Variants in CPEB4 observed in about 807,000 individuals in gnomAD.
CPEB4 encodes cytoplasmic polyadenylation element binding protein 4.
Under a neutral mutation model 72.5 loss-of-function variants are expected in CPEB4, and 12 were observed. The ratio of observed to expected loss-of-function variants is 0.17; its 90% CI spans 0.11 to 0.27. The LOEUF is 0.27. Among genes scored for constraint, CPEB4 ranks in the 10% least tolerant of loss-of-function variants. The pLI, the probability that CPEB4 is intolerant of heterozygous loss-of-function variation, is 1.00. For missense variants in CPEB4, 614 were observed against 908.5 expected (o/e 0.68, Z 4.17); for synonymous variants, 302 against 326.3 (o/e 0.93, Z 0.80).
chr5:173,898,461 A>G (rs1034129927), intron 1 of CPEB4, among the ~76,000 whole-genome samples: 2 of 152,216 alleles, frequency 1.3e-5, no homozygotes, highest in African/African-American at 2.4e-5. Flanking sequence ...GACCTAGGCA[A>G]GCTACAGCAC....
intron 1 of CPEB4, among the ~76,000 whole-genome samples, chr5:173,904,527 T>A (rs1005031032): frequency 8.5e-5 from 13 of 152,210 alleles, no homozygotes; most frequent in African/African-American, 2.9e-4. Context: ...TAAAAGGTAA[T>A]ATTTGTATAA....
intron 3 of CPEB4, among the ~76,000 whole-genome samples, chr5:173,935,308 T>A (rs1561624738): frequency 6.6e-6 from 1 of 152,222 alleles, no homozygotes; most frequent in East Asian, 1.9e-4. Flanking sequence ...AACTATGCAC[T>A]TTCAAATGCA....
At chr5:173,912,805 A>G (rs1045690635) in intron 2 of CPEB4, among the ~76,000 whole-genome samples, 7 of 150,906 alleles carry the variant, frequency 4.6e-5, no homozygotes, top group African/African-American at 7.3e-5. Flanking sequence ...AGCCAGGCAT[A>G]GCAACCCACA....
At chr5:173,929,402 A>T (rs1757360079) in intron 2 of CPEB4, among the ~76,000 whole-genome samples, 1 of 152,190 alleles carries the variant, frequency 6.6e-6, no homozygotes, top group Non-Finnish European at 1.5e-5. Flanking sequence ...CTCATTGTTC[A>T]TTATCCTCCC....
chr5:173,941,487 A>G (rs994076191), intron 3 of CPEB4, among the ~76,000 whole-genome samples: 3 of 152,242 alleles, frequency 2.0e-5, no homozygotes, highest in African/African-American at 7.2e-5. Flanking sequence ...CTCACATAAT[A>G]TTTCTGAGTT....
At chr5:173,894,953 T>A (rs1179631927) in intron 1 of CPEB4, among the ~76,000 whole-genome samples, 1 of 152,220 alleles carries the variant, frequency 6.6e-6, no homozygotes, top group Non-Finnish European at 1.5e-5. Flanking sequence ...TACTTGTTTA[T>A]CAACTTTAAA....
intron 3 of CPEB4, among the ~76,000 whole-genome samples, chr5:173,935,422 G>A (rs1757585476): frequency 6.6e-6 from 1 of 152,124 alleles, no homozygotes; most frequent in Non-Finnish European, 1.5e-5. Flanking sequence ...AAGACTGAAA[G>A]GTGCTGTAAG....
chr5:173,933,255 C>T (rs541008603), intron 3 of CPEB4, among the ~76,000 whole-genome samples: 4 of 152,174 alleles, frequency 2.6e-5, no homozygotes, highest in Non-Finnish European at 5.9e-5. Flanking sequence ...AGTCCCACGA[C>T]CTCTAAGAAG....
intron 2 of CPEB4, among the ~76,000 whole-genome samples, chr5:173,928,806 C>G (rs1246968139): frequency 1.3e-5 from 2 of 152,022 alleles, no homozygotes; most frequent in Non-Finnish European, 2.9e-5. Flanking sequence ...ATGTGTTATC[C>G]ATAATATGAT....
At chr5:173,928,220 A>G (rs183335712) in intron 2 of CPEB4, among the ~76,000 whole-genome samples, 1 of 152,244 alleles carries the variant, frequency 6.6e-6, no homozygotes, top group African/African-American at 2.4e-5. Context: ...GGGTGGATAC[A>G]TGTCATTATA....
At position 173,950,633 on chromosome 5, in the gene CPEB4, T is replaced by TAAAAA. The variant is rs779664117; in HGVS notation, c.1665+557_1665+561dup. Among the ~76,000 whole-genome samples, 3 of 139,230 alleles carry TAAAAA rather than the reference T, an allele frequency of 2.2e-5. No homozygotes were observed. The highest frequency in any genetic ancestry group is 3.2e-5 in the Non-Finnish European group (2 of 63,288). The allele number at this position is 139,230 out of a possible 152,430, so 91.3% of individuals were successfully genotyped here. On this transcript the variant is annotated intron_variant, in intron 7 of 9. Coordinates refer to ENST00000265085, the MANE Select transcript of CPEB4 (RefSeq NM_030627.4). This position sits in a 1 kb window ranked among gnomAD's most constrained non-coding sequence, Gnocchi z 5.0. ...TAAAATAAAATAAAATAAAATAAAA[T>TAAAAA]AAAAAACCAGACTTCATTTGATAAT...
intron 2 of CPEB4, among the ~76,000 whole-genome samples, chr5:173,922,121 A>C (rs923448568): frequency 6.6e-5 from 10 of 152,218 alleles, no homozygotes; most frequent in African/African-American, 2.4e-4. Context: ...CAATGGCCTG[A>C]GTATTTATTG....
In CPEB4 at chr5:173,892,274, A is replaced by ATTTTTTTTTT. The variant is rs71820084; in HGVS notation, c.1125+1422_1125+1431dup. Among the ~76,000 whole-genome samples, 1,079 of 120,600 alleles carry ATTTTTTTTTT rather than the reference A, an allele frequency of 8.9e-3. 54 individuals are homozygous for ATTTTTTTTTT. Among genetic ancestry groups the ATTTTTTTTTT allele is most frequent in the African/African-American group, 0.022 (728 of 32,572 alleles). The allele number at this position is 120,600 out of a possible 152,430, so 79.1% of individuals were successfully genotyped here. A position where few individuals can be genotyped will look rare whatever the true frequency, so the allele number is the denominator to read the frequency against. ...ATTTAGTTTTCGACTTCTAAAAACGATTTTTTTTTTTTTTTGCCTATCAAA... is the reference window on the plus strand; with the variant it reads ...ATTTAGTTTTCGACTTCTAAAAACGATTTTTTTTTTTTTTTTTTTTTTTTTGCCTATCAAA... On this transcript the variant is annotated intron_variant, in intron 1 of 9. Transcript: ENST00000265085.
At position 173,909,418 on chromosome 5, in the gene CPEB4, T is replaced by C. The variant is rs185955873; in HGVS notation, c.1126-1105T>C. On this transcript the variant is annotated intron_variant, in intron 1 of 9. Coordinates refer to ENST00000265085, the MANE Select transcript of CPEB4 (RefSeq NM_030627.4). ...CAGAACATGCTTCAGCAGTTCTCTA[T>C]TGCTATTCTCATCCTTCTCCTTAGA... Among the ~76,000 whole-genome samples, 3 of 152,314 alleles carry C rather than the reference T, an allele frequency of 2.0e-5. No individual in the cohort carries two copies. The East Asian group carries it at 5.8e-4, about 29-fold the overall frequency.
chr5:173,894,199 TG>T (rs1170775293), intron 1 of CPEB4, among the ~76,000 whole-genome samples: 1 of 152,002 alleles, frequency 6.6e-6, no homozygotes, highest in Non-Finnish European at 1.5e-5. Flanking sequence ...TTCACCATGT[TG>T]TCCAGGCTGG....
intron 1 of CPEB4, among the ~76,000 whole-genome samples, chr5:173,893,493 A>G: frequency 6.6e-6 from 1 of 152,168 alleles, no homozygotes; most frequent in East Asian, 1.9e-4. Flanking sequence ...TAATTTTAGG[A>G]AAGAAATTTT....
chr5:173,949,475 T>G (rs966905761), intron 5 of CPEB4, 33 bp from the exon 6 acceptor site: 5 of 1,441,318 alleles, frequency 3.5e-6, no homozygotes, highest in Non-Finnish European at 4.8e-6. Flanking sequence ...ATAAAAATAT[T>G]TAAATCTACT....
At chr5:173,938,323 T>G (rs993490850) in intron 3 of CPEB4, among the ~76,000 whole-genome samples, 1 of 152,174 alleles carries the variant, frequency 6.6e-6, no homozygotes, top group South Asian at 2.1e-4. Context: ...CCTCCCGGGT[T>G]GAAGCAATTC....
At chr5:173,930,608 C>G (rs1757411013) in intron 2 of CPEB4, among the ~76,000 whole-genome samples, 3 of 152,156 alleles carry the variant, frequency 2.0e-5, no homozygotes, top group Admixed American at 2.0e-4. Flanking sequence ...CCTACCTCCA[C>G]TCCCTACATA....
Sources: gnomAD v4.1 joint callset for allele counts (sites outside exome capture counted in the v4.1 genomes callset) on GRCh38, gnomAD v4.1.1 for gene constraint, Gnocchi (gnomAD v3.1) non-coding constraint, MANE v1.5 for transcripts, NCBI Gene and HGNC (gene_info 2026-07-23, HGNC 2026-07-21) for gene names.